The following PCDH7 variants were observed in gnomAD, a reference collection of about 807,000 sequenced individuals.
PCDH7 encodes the protein protocadherin-7.
A neutral mutation model predicts 58.9 loss-of-function variants in PCDH7; 17 were observed. The ratio of observed to expected loss-of-function variants is 0.29; its 90% CI spans 0.20 to 0.43. PCDH7 has a LOEUF of 0.43. Ranked by LOEUF, PCDH7 falls within the 20% of genes least tolerant of loss-of-function variation. The pLI is 1.00. For missense variants in PCDH7, 1,274 were observed against 1,441.0 expected, an observed-to-expected ratio of 0.88 and a Z score of 1.88; for synonymous variants, 664 against 616.4, an observed-to-expected ratio of 1.08 and a Z score of -1.14.
intron 1 of PCDH7, among the ~76,000 whole-genome samples, chr4:30,765,639 C>T (rs1262068571): frequency 6.6e-6 from 1 of 152,122 alleles, no homozygotes. Context: ...TCTAGGCTTA[C>T]ATTTCAGTGT....
chr4:31,137,069 T>G (rs903776005), intron 3 of PCDH7, among the ~76,000 whole-genome samples: 1 of 152,232 alleles, frequency 6.6e-6, no homozygotes, highest in African/African-American at 2.4e-5. Flanking sequence ...AAAACATTTT[T>G]CACTGATCTT....
At chr4:30,900,321 A>G (rs973849498) in intron 1 of PCDH7, among the ~76,000 whole-genome samples, 1 of 152,180 alleles carries the variant, frequency 6.6e-6, no homozygotes, top group Admixed American at 6.5e-5. Context: ...TGAAATGGGA[A>G]AGTTCAATTA....
At chr4:30,949,592 C>T (rs1005907676) in intron 2 of PCDH7, among the ~76,000 whole-genome samples, 7 of 151,970 alleles carry the variant, frequency 4.6e-5, no homozygotes, top group African/African-American at 1.7e-4. Context: ...TATAGGGATT[C>T]TGTTAAATTA....
intron 1 of PCDH7, among the ~76,000 whole-genome samples, chr4:30,754,161 G>A (rs200563500): frequency 1.4e-5 from 2 of 138,582 alleles, no homozygotes; most frequent in Admixed American, 1.4e-4. Flanking sequence ...GCAAACACTA[G>A]GTGTGTGTGT....
At chr4:31,118,873 G>T (rs1485910488) in intron 3 of PCDH7, among the ~76,000 whole-genome samples, 2 of 152,004 alleles carry the variant, frequency 1.3e-5, no homozygotes, top group African/African-American at 4.8e-5. Context: ...GGAAAAGAAA[G>T]GAAAAAAGAG....
rs867684647 is a variant in PCDH7, at chr4:31,009,506, C to A, written c.*7+59291C>A. ...GGCCAAGAGTCATAGCAGAGACTAC[C>A]AACACTGTGGTAGCAAGTTCTGATG... On this transcript the variant is annotated intron_variant, in intron 3 of 3. Transcript: ENST00000509759. Among the ~76,000 whole-genome samples the A allele has an allele frequency of 8.4e-4, 127 of 152,026 alleles. 1 individual carries two copies. Among genetic ancestry groups the A allele is most frequent in the African/African-American group, 2.8e-3 (117 of 41,508 alleles).
chr4:31,003,703 C>G (rs534155715), intron 3 of PCDH7, among the ~76,000 whole-genome samples: 5 of 151,228 alleles, frequency 3.3e-5, no homozygotes, highest in African/African-American at 1.2e-4. Flanking sequence ...GTCAGGATAT[C>G]GAGACCATCT....
At position 30,779,003 on chromosome 4, in the gene PCDH7, GTTTTTTTTTTTTTT is replaced by G. The variant is rs386399674; in HGVS notation, c.70+54422_70+54435del. Reference sequence around the variant, plus strand: ...TGATTCCAAATGGCCTCCTTACTCCGTTTTTTTTTTTTTTTTTTTTTTTTTTTTAAATGGAGACG... The same window carrying G: ...TGATTCCAAATGGCCTCCTTACTCCGTTTTTTTTTTTTTTAAATGGAGACG... On this transcript the variant is annotated intron_variant, in intron 1 of 3. Transcript: ENST00000509759. Among the ~76,000 whole-genome samples, 13 of 73,008 alleles carry G rather than the reference GTTTTTTTTTTTTTT, an allele frequency of 1.8e-4. 1 individual carries two copies. The South Asian group carries it at 9.2e-3, about 52-fold the overall frequency. The allele number at this position is 73,008 out of a possible 152,430, so 47.9% of individuals were successfully genotyped here.
intron 1 of PCDH7, among the ~76,000 whole-genome samples, chr4:30,844,417 T>C (rs1045545391): frequency 1.1e-4 from 17 of 152,170 alleles, no homozygotes; most frequent in Admixed American, 9.2e-4. Context: ...TCTTCAGATA[T>C]TTGCTTTTTA....
At chr4:30,926,193 T>G (rs1578312100) in intron 2 of PCDH7, among the ~76,000 whole-genome samples, 1 of 151,426 alleles carries the variant, frequency 6.6e-6, no homozygotes, top group East Asian at 1.9e-4. Context: ...TTAGGTCGTT[T>G]TTTTTTTTTG....
At chr4:30,770,143 T>C (rs1339639257) in intron 1 of PCDH7, among the ~76,000 whole-genome samples, 2 of 152,212 alleles carry the variant, frequency 1.3e-5, no homozygotes, top group African/African-American at 4.8e-5. Flanking sequence ...TACACCATGC[T>C]GTGATTAGAG....
At chr4:30,829,038 A>G (rs1021340288) in intron 1 of PCDH7, among the ~76,000 whole-genome samples, 1 of 152,046 alleles carries the variant, frequency 6.6e-6, no homozygotes, top group Admixed American at 6.6e-5. Context: ...CCTGAGTTTA[A>G]TTCAGATCTA....
At chr4:31,089,769 A>G (rs1712983913) in intron 3 of PCDH7, among the ~76,000 whole-genome samples, 1 of 152,128 alleles carries the variant, frequency 6.6e-6, no homozygotes, top group African/African-American at 2.4e-5. Flanking sequence ...AACTTTAGGT[A>G]ATGGAGAAGT....
At chr4:31,139,784 A>G (rs906748459) in intron 3 of PCDH7, among the ~76,000 whole-genome samples, 3 of 152,202 alleles carry the variant, frequency 2.0e-5, no homozygotes, top group Admixed American at 2.0e-4. Flanking sequence ...AATCTCTTAT[A>G]GCCCTTCTTG....
At chr4:30,854,838 C>G (rs1237321049) in intron 1 of PCDH7, among the ~76,000 whole-genome samples, 1 of 151,816 alleles carries the variant, frequency 6.6e-6, no homozygotes, top group Non-Finnish European at 1.5e-5. Context: ...TAATACATTT[C>G]CTAGGAGTGT....
rs1756117970 is a variant in PCDH7 at position 31,044,354 on chromosome 4, ATT to A, written c.*7+94141_*7+94142del. Among the ~76,000 whole-genome samples the A allele has an allele frequency of 2.0e-5, 3 of 152,200 alleles. No homozygotes were observed. In the East Asian group the frequency reaches 5.8e-4, roughly 29 times the overall value. On this transcript the variant is annotated intron_variant, in intron 3 of 3. Coordinates refer to the PCDH7 transcript ENST00000509759. Reference sequence around the variant, plus strand: ...AATACTATAACTGTGGCTTTTTTTCATTTATATAGTGTAAATTTTATATCCCA... The same window carrying A: ...AATACTATAACTGTGGCTTTTTTTCATATATAGTGTAAATTTTATATCCCA...
At chr4:30,878,418 G>A (rs1163406579) in intron 1 of PCDH7, among the ~76,000 whole-genome samples, 3 of 152,252 alleles carry the variant, frequency 2.0e-5, no homozygotes, top group African/African-American at 2.4e-5. Flanking sequence ...CTTCCATGGA[G>A]TTCTTGTACT....
At chr4:30,898,492 A>T (rs926720656) in intron 1 of PCDH7, among the ~76,000 whole-genome samples, 1 of 152,212 alleles carries the variant, frequency 6.6e-6, no homozygotes, top group Non-Finnish European at 1.5e-5. Flanking sequence ...AGATCACATT[A>T]TTTCTAGAGA....
chr4:31,112,841 C>A (rs1233392846), intron 3 of PCDH7, among the ~76,000 whole-genome samples: 2 of 152,056 alleles, frequency 1.3e-5, no homozygotes, highest in South Asian at 4.1e-4. Flanking sequence ...ATTCCCTCTG[C>A]CCATCCTTTT....
Sources: allele counts gnomAD v4.1 joint callset (sites outside exome capture counted in the v4.1 genomes callset), GRCh38; gene constraint gnomAD v4.1.1; transcripts MANE v1.5; gene names NCBI Gene and HGNC (gene_info 2026-07-23, HGNC 2026-07-21).